The following NAA15 variants were observed in gnomAD, a reference collection of about 807,000 sequenced individuals.
NAA15 encodes N-terminal acetyltransferase.
NAA15 carries 34 observed loss-of-function variants against 114.0 expected under a neutral mutation model. The ratio of observed to expected loss-of-function variants is 0.30; its 90% CI spans 0.23 to 0.40. The LOEUF is 0.40. Ranked by LOEUF, NAA15 falls within the 10% of genes least tolerant of loss-of-function variation. The pLI is 1.00. For synonymous variants in NAA15, 340 were observed against 338.0 expected (o/e 1.01, Z -0.06); for missense variants, 658 against 1,004.5 (o/e 0.66, Z 4.66).
intron 9 of NAA15, among the ~76,000 whole-genome samples, chr4:139,352,255 C>T (rs563141790): frequency 9.9e-5 from 15 of 151,846 alleles, no homozygotes; most frequent in Non-Finnish European, 1.9e-4. Flanking sequence ...ATTACAGGCG[C>T]GTACTACCAT....
intron 12 of NAA15, 85 bp from the exon 13 acceptor site, chr4:139,360,415 C>G (rs1288718234): frequency 7.7e-6 from 10 of 1,298,206 alleles, no homozygotes; most frequent in African/African-American, 1.5e-5. Context: ...TCCCAATCAG[C>G]TTAACATCTT....
intron 1 of NAA15, among the ~76,000 whole-genome samples, chr4:139,316,083 T>C (rs1746402949): frequency 1.3e-5 from 2 of 151,894 alleles, no homozygotes. Flanking sequence ...GTTTTAAATT[T>C]AGTACTACAA....
At chr4:139,329,310 C>T (rs10519482) in intron 1 of NAA15, among the ~76,000 whole-genome samples, 40,004 of 151,988 alleles carry the variant, frequency 0.26, 5,550 homozygotes, top group African/African-American at 0.35. Context: ...ACTTCTTTAT[C>T]GTAATTCCAT....
Position 139,366,194 on chromosome 4 carries a change from G to C in NAA15, c.1754-4017G>C, listed in dbSNP as rs140955767. The stretch of plus-strand genomic sequence containing the variant: ...CTTTTTTTGGGTCAGGAATTCAGAA[G>C]TGTCTAAGTGACTCTGACTCAGGGT... On this transcript the variant is annotated intron_variant, in intron 14 of 19. Transcript: ENST00000296543. Among the ~76,000 whole-genome samples, 4 of 152,170 alleles carry C rather than the reference G, an allele frequency of 2.6e-5. No homozygotes were observed. In the East Asian group the frequency reaches 7.7e-4, roughly 29 times the overall value.
intron 18 of NAA15, among the ~76,000 whole-genome samples, chr4:139,385,310 A>ATATATATATATATATATAATATATATTG (rs1748883909): frequency 1.0e-5 from 1 of 96,062 alleles, no homozygotes; most frequent in South Asian, 3.0e-4. Context: ...AATATATATT[A>ATATATATATATATATATAATATATATTG]TATATATATG....
chr4:139,342,914 A>C lies in NAA15; in HGVS notation c.491A>C (p.Tyr164Ser). Residue 164 changes from tyrosine to serine, a missense_variant, in exon 5 of 20, where the codon TAT becomes TCT. By Grantham distance (144) the Tyr-to-Ser change is moderately radical (BLOSUM62 -2). This residue lies in a region of NAA15 where 75 missense variants were observed against 172.3 expected (regional missense o/e 0.44). Coordinates refer to ENST00000296543, the MANE Select transcript of NAA15 (RefSeq NM_057175.5). The part of the protein sequence containing the change: ...YAIAYHLLED[Y>S]EMAAKILEEF... ...ATTGCTTACCATTTATTAGAAGATTATGAAATGGCAGCAAAGATTTTAGAA... is the reference window on the plus strand; with the variant it reads ...ATTGCTTACCATTTATTAGAAGATTCTGAAATGGCAGCAAAGATTTTAGAA... The C allele has an allele frequency of 6.2e-7, 1 of 1,613,628 alleles. No homozygotes were observed. Among genetic ancestry groups the C allele is most frequent in the Non-Finnish European group, 8.5e-7 (1 of 1,179,532 alleles).
chr4:139,302,144 G>T (rs564382166), intron 1 of NAA15: 44 of 318,596 alleles, frequency 1.4e-4, no homozygotes, highest in Non-Finnish European at 2.2e-4. Flanking sequence ...CCGGCCTTTG[G>T]CGGGCAAGTG....
At chr4:139,379,851 C>T (rs1748692984) in intron 17 of NAA15, among the ~76,000 whole-genome samples, 1 of 152,068 alleles carries the variant, frequency 6.6e-6, no homozygotes, top group Non-Finnish European at 1.5e-5. Context: ...CGAGACCAGC[C>T]TGGCTAACAT....
intron 12 of NAA15, 66 bp downstream of exon 12, chr4:139,359,961 A>G: frequency 7.1e-7 from 1 of 1,414,920 alleles, no homozygotes; most frequent in Admixed American, 2.8e-5. Flanking sequence ...CTTGTATAAC[A>G]TGCTTATTTT....
At chr4:139,337,081 C>T in intron 3 of NAA15, 129 bp downstream of exon 3, 2 of 447,240 alleles carry the variant, frequency 4.5e-6, no homozygotes, top group Non-Finnish European at 7.9e-6. Context: ...AATAGGGTAA[C>T]AGCAACTGCC....
chr4:139,368,036 A>T (rs1422745727), intron 14 of NAA15, among the ~76,000 whole-genome samples: 1 of 151,642 alleles, frequency 6.6e-6, no homozygotes, highest in Non-Finnish European at 1.5e-5. Flanking sequence ...CCCTACTCAA[A>T]GTCTGTCCAC....
chr4:139,348,520 A>T (rs1008179653), intron 6 of NAA15, among the ~76,000 whole-genome samples: 19 of 152,088 alleles, frequency 1.2e-4, no homozygotes, highest in Admixed American at 2.6e-4. Context: ...TTATTATCAA[A>T]TGAGAGCGAA....
Position 139,390,394 on chromosome 4 carries a change from C to G in NAA15, c.*2310C>G, listed in dbSNP as rs1197484534. On this transcript the variant is annotated 3_prime_UTR_variant, in exon 20 of 20. Transcript: ENST00000296543. ...CCCCTGAAACACTGTACTGTACTAT[C>G]TTGCTCTGAGTAGTATCAACTGGAT... The G allele has an allele frequency of 6.6e-6, 1 of 152,610 alleles. No individual in the cohort carries two copies. The allele number at this position is 152,610 out of a possible 1,614,324, so 9.5% of individuals were successfully genotyped here.
intron 1 of NAA15, chr4:139,318,457 A>G (rs1048939592): frequency 2.6e-5 from 4 of 152,208 alleles, no homozygotes; most frequent in African/African-American, 9.7e-5. Context: ...CAAGGATGAC[A>G]TGTAAATTCA....
intron 17 of NAA15, among the ~76,000 whole-genome samples, chr4:139,384,568 T>C (rs1748839428): frequency 6.6e-6 from 1 of 152,184 alleles, no homozygotes; most frequent in Non-Finnish European, 1.5e-5. Flanking sequence ...ATAATTGCCA[T>C]GTTTCATTGG....
chr4:139,371,497 G>GCATA (rs1553998025), intron 15 of NAA15, among the ~76,000 whole-genome samples: 5 of 113,664 alleles, frequency 4.4e-5, no homozygotes, highest in African/African-American at 6.3e-5. Context: ...AAGAAAAGTA[G>GCATA]CACACACACA....
chr4:139,356,149 A>G (rs1434422398), intron 10 of NAA15, among the ~76,000 whole-genome samples: 1 of 152,254 alleles, frequency 6.6e-6, no homozygotes, highest in Non-Finnish European at 1.5e-5. Context: ...TTGATGTTGC[A>G]TATTCAGCAT....
chr4:139,368,002 A>G (rs1422114770), intron 14 of NAA15, among the ~76,000 whole-genome samples: 2 of 148,542 alleles, frequency 1.3e-5, no homozygotes, highest in South Asian at 4.2e-4. Context: ...GAATAGTCCA[A>G]GGCTCTTCAA....
intron 3 of NAA15, among the ~76,000 whole-genome samples, chr4:139,340,084 G>A (rs527329684): frequency 1.5e-4 from 23 of 152,296 alleles, no homozygotes; most frequent in African/African-American, 5.5e-4. Flanking sequence ...CACTTTGGGA[G>A]GCCAAGGCAG....
Sources: allele counts gnomAD v4.1 joint callset (sites outside exome capture counted in the v4.1 genomes callset), GRCh38; gene constraint gnomAD v4.1.1; regional missense constraint gnomAD v4.1.1; transcripts MANE v1.5; gene names NCBI Gene and HGNC (gene_info 2026-07-23, HGNC 2026-07-21).